KIAA1217: variants seen among roughly 807,000 people sequenced by gnomAD.
The protein encoded by KIAA1217 is KIAA1217, also known as sickle tail protein homolog.
A neutral mutation model predicts 163.9 loss-of-function variants in KIAA1217; 88 were observed. The ratio of observed to expected loss-of-function variants is 0.54; its 90% CI spans 0.45 to 0.64. KIAA1217 has a LOEUF of 0.64. Among genes scored for constraint, KIAA1217 ranks in the 30% least tolerant of loss-of-function variants. The pLI is 0.00. For synonymous variants in KIAA1217, 903 were observed against 923.1 expected, an observed-to-expected ratio of 0.98 and a Z score of 0.39; for missense variants, 2,372 against 2,475.0, an observed-to-expected ratio of 0.96 and a Z score of 0.88.
chr10:23,968,225 G>A (rs1227354009), intron 1 of KIAA1217, among the ~76,000 whole-genome samples: 3 of 152,006 alleles, frequency 2.0e-5, no homozygotes, highest in Admixed American at 6.6e-5. Flanking sequence ...CAAAGGCAAC[G>A]CTTAAAACAT....
chr10:23,814,699 G>A (rs1035806667), intron 1 of KIAA1217, among the ~76,000 whole-genome samples: 3 of 152,016 alleles, frequency 2.0e-5, no homozygotes, highest in African/African-American at 7.2e-5. Flanking sequence ...ATCCAGTTAG[G>A]TTTCCTCAGT....
intron 2 of KIAA1217, among the ~76,000 whole-genome samples, chr10:24,200,597 A>G (rs1480411562): frequency 6.6e-6 from 1 of 152,172 alleles, no homozygotes; most frequent in Non-Finnish European, 1.5e-5. Context: ...GCACCAGGCC[A>G]CACCCAAAGT....
intron 1 of KIAA1217, among the ~76,000 whole-genome samples, chr10:23,926,883 T>A (rs989230599): frequency 6.6e-6 from 1 of 152,036 alleles, no homozygotes; most frequent in African/African-American, 2.4e-5. Context: ...GAGACAGCAG[T>A]CTATCCTATT....
At chr10:23,814,940 AC>A (rs1288694839) in intron 1 of KIAA1217, among the ~76,000 whole-genome samples, 7 of 152,254 alleles carry the variant, frequency 4.6e-5, no homozygotes, top group Admixed American at 2.0e-4. Context: ...CAATTAAGTG[AC>A]CTTTCCAGGT....
chr10:23,925,939 A>T (rs2131301095), intron 1 of KIAA1217, among the ~76,000 whole-genome samples: 1 of 152,306 alleles, frequency 6.6e-6, no homozygotes, highest in Non-Finnish European at 1.5e-5. Context: ...TCTGAGTCAA[A>T]GGGAATCTGG....
intron 2 of KIAA1217, among the ~76,000 whole-genome samples, chr10:24,052,769 T>A (rs941541972): frequency 2.6e-5 from 4 of 152,136 alleles, no homozygotes; most frequent in African/African-American, 9.7e-5. Context: ...AGCAAATAAA[T>A]CATTTTCTTA....
At chr10:23,992,965 A>G (rs1218870810) in intron 1 of KIAA1217, among the ~76,000 whole-genome samples, 4 of 150,754 alleles carry the variant, frequency 2.7e-5, no homozygotes, top group African/African-American at 9.8e-5. Flanking sequence ...TTCTTTGCTT[A>G]TATGTCATTT....
chr10:23,961,818 G>A (rs1405218323), intron 1 of KIAA1217, among the ~76,000 whole-genome samples: 1 of 152,130 alleles, frequency 6.6e-6, no homozygotes, highest in Admixed American at 6.5e-5. Context: ...CCTTCTGAGG[G>A]CTGTGAAGGA....
chr10:24,513,502 A>G (rs1313532314), intron 10 of KIAA1217, 68 bp downstream of exon 10: 1 of 1,508,558 alleles, frequency 6.6e-7, no homozygotes, highest in Non-Finnish European at 9.1e-7. Context: ...ACTAAGAAGG[A>G]GGTCCTTCCC....
At chr10:24,179,719 G>T (rs1054826592) in intron 2 of KIAA1217, among the ~76,000 whole-genome samples, 1 of 152,072 alleles carries the variant, frequency 6.6e-6, no homozygotes, top group African/African-American at 2.4e-5. Flanking sequence ...CACCCAAGTA[G>T]CTGGGACTAC....
At chr10:24,520,675 T>TATATATATATATAC (rs1411092462) in intron 11 of KIAA1217, among the ~76,000 whole-genome samples, 1 of 77,544 alleles carries the variant, frequency 1.3e-5, no homozygotes, top group African/African-American at 5.8e-5. Context: ...TATATATATA[T>TATATATATATATAC]ACACACACAC....
chr10:24,136,394 A>G (rs1422139309), intron 2 of KIAA1217, among the ~76,000 whole-genome samples: 2 of 152,164 alleles, frequency 1.3e-5, no homozygotes, highest in Non-Finnish European at 2.9e-5. Context: ...GATTTTTTAA[A>G]CTAGGGATTT....
chr10:23,981,468 C>G (rs570411104), intron 1 of KIAA1217, among the ~76,000 whole-genome samples: 2 of 152,258 alleles, frequency 1.3e-5, no homozygotes, highest in African/African-American at 4.8e-5. Context: ...CTACTGGTGA[C>G]CTTTAATTCA....
intron 2 of KIAA1217, among the ~76,000 whole-genome samples, chr10:24,363,716 C>T (rs1378477218): frequency 5.9e-5 from 9 of 151,870 alleles, no homozygotes; most frequent in South Asian, 2.1e-4. Flanking sequence ...AGACTTCAGG[C>T]GTGTGCCACT....
chr10:24,256,047 A>C (rs1253371311), intron 2 of KIAA1217, among the ~76,000 whole-genome samples: 1 of 11,064 alleles, frequency 9.0e-5, no homozygotes, highest in Non-Finnish European at 2.0e-4. Flanking sequence ...TCAGATGACC[A>C]AAAAAAAAAA....
In KIAA1217 at chr10:23,773,599, A is replaced by G. The variant is rs563165138; in HGVS notation, c.-321+78365A>G. On this transcript the variant is annotated intron_variant, in intron 1 of 18. Transcript: ENST00000376462. ...ATTGATTCTTCCTACCCATGAGCAC[A>G]GAATGTTCTTCCATTTGTTTGTATC... Among the ~76,000 whole-genome samples, 67 of 152,262 alleles carry G rather than the reference A, an allele frequency of 4.4e-4. 1 individual carries two copies. Among genetic ancestry groups the G allele is most frequent in the Admixed American group, 2.1e-3 (32 of 15,266 alleles).
rs566712618 is a variant in KIAA1217 at position 24,445,854 on chromosome 10, T to C, written c.846+7375T>C. On this transcript the variant is annotated intron_variant, in intron 5 of 20. Coordinates refer to ENST00000376454, the MANE Select transcript of KIAA1217 (RefSeq NM_019590.5). ...CGCAATAAACATACCTGTGCATGTG[T>C]CTTTATAGCAGCGTGATTTATAATC... is the stretch of plus-strand genomic sequence containing the variant. 2.6e-5 allele frequency among the ~76,000 whole-genome samples: 4 copies of C among 152,278 alleles called. No homozygotes were observed. In the South Asian group the frequency reaches 6.2e-4, roughly 24 times the overall value.
intron 2 of KIAA1217, among the ~76,000 whole-genome samples, chr10:24,248,943 A>G (rs546296140): frequency 1.3e-5 from 2 of 152,354 alleles, no homozygotes; most frequent in East Asian, 1.9e-4. Context: ...TTGAAAGAAA[A>G]GAAACACTAC....
At chr10:24,127,523 T>C (rs888121296) in intron 2 of KIAA1217, among the ~76,000 whole-genome samples, 1 of 152,212 alleles carries the variant, frequency 6.6e-6, no homozygotes, top group Non-Finnish European at 1.5e-5. Flanking sequence ...GACATGTTCC[T>C]GACAAATCCT....
Sources: allele counts gnomAD v4.1 joint callset (sites outside exome capture counted in the v4.1 genomes callset), GRCh38; gene constraint gnomAD v4.1.1; transcripts MANE v1.5; gene names NCBI Gene and HGNC (gene_info 2026-07-23, HGNC 2026-07-21).